The following IGSF10 variants were observed in gnomAD, a reference collection of about 807,000 sequenced individuals.
IGSF10 encodes the protein calvaria mechanical force protein 608.
Under a neutral mutation model 128.2 loss-of-function variants are expected in IGSF10, and 126 were observed. That is an observed-to-expected ratio of 0.98 (90% CI 0.85 to 1.14). IGSF10 has a LOEUF of 1.14. Among genes scored for constraint, IGSF10 ranks in the 50% most tolerant of loss-of-function variants. The pLI is 0.00. For missense variants in IGSF10, 3,295 were observed against 3,149.8 expected (o/e 1.05, Z -1.10); for synonymous variants, 1,185 against 1,146.2 (o/e 1.03, Z -0.68).
At chr3:151,516,867 C>G in the IGSF10 span, among the ~76,000 whole-genome samples, 15 of 152,210 alleles carry the variant, frequency 9.9e-5, no homozygotes, top group African/African-American at 3.6e-4. Context: ...GTCACCAAAA[C>G]AGTTGCTTTA....
At chr3:151,613,736 A>T in the IGSF10 span, among the ~76,000 whole-genome samples, 6 of 152,264 alleles carry the variant, frequency 3.9e-5, no homozygotes, top group African/African-American at 1.4e-4. Context: ...AAGAAAACTT[A>T]GGCAATACCA....
the IGSF10 span, among the ~76,000 whole-genome samples, chr3:151,504,631 A>C: frequency 6.6e-6 from 1 of 152,286 alleles, no homozygotes; most frequent in Admixed American, 6.5e-5. Flanking sequence ...AAATAATGTT[A>C]AACAAAGGTT....
chr3:151,598,070 G>GGTGTGTGTGTGT, the IGSF10 span, among the ~76,000 whole-genome samples: 859 of 137,740 alleles, frequency 6.2e-3, 9 homozygotes, highest in African/African-American at 0.018. Context: ...AATGAGTACT[G>GGTGTGTGTGTGT]GTGTGTGTGT....
Position 151,458,540 on chromosome 3 carries a change from G to C in IGSF10, c.170C>G (p.Pro57Arg). 6.2e-7 allele frequency: 1 copy of C among 1,613,954 alleles called. No homozygotes were observed. The highest frequency in any genetic ancestry group is 8.5e-7 in the Non-Finnish European group (1 of 1,179,952). Residue 57 changes from proline to arginine, a missense_variant, in exon 3 of 8, where the codon CCC (proline) becomes CGC (arginine). By Grantham distance (103) the Pro-to-Arg change is moderately radical (BLOSUM62 -2). Transcript: ENST00000282466. Reference protein sequence around the residue: ...YLTSIPDSIPPNVERINLGYN... With the variant: ...YLTSIPDSIPRNVERINLGYN... ...CCCTAAATTGATGCGTTCCACATTGGGCGGGATGCTGTCTGGGATGGAAGT... is the reference window on the plus strand; with the variant it reads ...CCCTAAATTGATGCGTTCCACATTGCGCGGGATGCTGTCTGGGATGGAAGT...
At chr3:151,522,005 G>A in the IGSF10 span, among the ~76,000 whole-genome samples, 13 of 151,816 alleles carry the variant, frequency 8.6e-5, no homozygotes, top group Non-Finnish European at 1.5e-4. Flanking sequence ...AATTAGAAAT[G>A]ATGAAGGGAA....
chr3:151,505,715 T>G, the IGSF10 span, among the ~76,000 whole-genome samples: 1 of 152,170 alleles, frequency 6.6e-6, no homozygotes, highest in Non-Finnish European at 1.5e-5. Context: ...CCCAAATTAG[T>G]CTTTTCTAGG....
the IGSF10 span, among the ~76,000 whole-genome samples, chr3:151,596,457 A>G: frequency 6.8e-6 from 1 of 147,850 alleles, no homozygotes; most frequent in Non-Finnish European, 1.5e-5. Flanking sequence ...GTGAATTCAA[A>G]ACAAAGATAT....
At chr3:151,495,504 T>C in the IGSF10 span, among the ~76,000 whole-genome samples, 1 of 152,146 alleles carries the variant, frequency 6.6e-6, no homozygotes, top group Non-Finnish European at 1.5e-5. Flanking sequence ...CAATTCTACA[T>C]TATCCGTGAC....
the IGSF10 span, among the ~76,000 whole-genome samples, chr3:151,538,954 T>C: frequency 1.3e-5 from 2 of 152,188 alleles, no homozygotes; most frequent in Non-Finnish European, 2.9e-5. Context: ...ACAATAATAC[T>C]TCAGTTTCTG....
the IGSF10 span, among the ~76,000 whole-genome samples, chr3:151,587,415 G>C: frequency 1.3e-5 from 2 of 152,128 alleles, no homozygotes; most frequent in African/African-American, 4.8e-5. Context: ...GTTCTGGATA[G>C]AACTAAGGTG....
the IGSF10 span, among the ~76,000 whole-genome samples, chr3:151,520,358 C>CAG: frequency 6.6e-6 from 1 of 151,736 alleles, no homozygotes; most frequent in Non-Finnish European, 1.5e-5. Flanking sequence ...AGTCCTATTG[C>CAG]AGTTTAAGAG....
At chr3:151,492,520 A>G in the IGSF10 span, among the ~76,000 whole-genome samples, 1 of 152,102 alleles carries the variant, frequency 6.6e-6, no homozygotes, top group Non-Finnish European at 1.5e-5. Flanking sequence ...GGATCACTTG[A>G]GGTCAGGAGT....
chr3:151,498,219 G>T, the IGSF10 span, among the ~76,000 whole-genome samples: 2 of 152,144 alleles, frequency 1.3e-5, no homozygotes, highest in Non-Finnish European at 2.9e-5. Context: ...TGTTGAATAG[G>T]AGTGGTGAGA....
At chr3:151,466,147 G>A in the IGSF10 span, among the ~76,000 whole-genome samples, 1 of 151,876 alleles carries the variant, frequency 6.6e-6, no homozygotes, top group Non-Finnish European at 1.5e-5. Flanking sequence ...ATTAAACTTT[G>A]TCAAATTTAA....
At chr3:151,505,654 G>C in the IGSF10 span, among the ~76,000 whole-genome samples, 3 of 152,240 alleles carry the variant, frequency 2.0e-5, no homozygotes, top group East Asian at 5.8e-4. Context: ...TGTTACAGTG[G>C]ACATTGCAAA....
At chr3:151,493,867 ACAAAAAC>A in the IGSF10 span, among the ~76,000 whole-genome samples, 1 of 151,980 alleles carries the variant, frequency 6.6e-6, no homozygotes, top group Non-Finnish European at 1.5e-5. Flanking sequence ...AAACAAACAA[ACAAAAAC>A]AGATTGCTAG....
At chr3:151,460,182 C>A (rs560263417) in intron 2 of IGSF10, 79 bp downstream of exon 2, 2 of 284,210 alleles carry the variant, frequency 7.0e-6, no homozygotes, top group East Asian at 3.5e-4. Flanking sequence ...GGATCAATAG[C>A]ATAAGACAAC....
rs1259434274 is a variant in IGSF10, at chr3:151,448,027, CT to C, written c.1953del (p.Val653LeufsTer4). 6.2e-7 allele frequency: 1 copy of C among 1,614,148 alleles called. No individual in the cohort carries two copies. The highest frequency in any genetic ancestry group is 8.5e-7 in the Non-Finnish European group (1 of 1,180,016). On this transcript the variant is annotated frameshift_variant, in exon 6 of 8. Transcript: ENST00000282466. LOFTEE classifies it high-confidence loss of function. ...ACTTGGAAAATCAAAAAATCAACCC[CT>C]GATGGGTTGGCTGCCACACAGCGAT... is the stretch of plus-strand genomic sequence containing the variant. ...GYYRCVAANP[S>X]GVDFLIFQVS...
At chr3:151,567,486 G>A in the IGSF10 span, among the ~76,000 whole-genome samples, 1 of 152,232 alleles carries the variant, frequency 6.6e-6, no homozygotes, top group Middle Eastern at 3.4e-3. Flanking sequence ...CTTATTTTCT[G>A]TATTCCTGAT....
Sources: gnomAD v4.1 joint callset for allele counts (sites outside exome capture counted in the v4.1 genomes callset) on GRCh38, gnomAD v4.1.1 for gene constraint, MANE v1.5 for transcripts, NCBI Gene and HGNC (gene_info 2026-07-23, HGNC 2026-07-21) for gene names.